The following YPEL1 variants were observed in gnomAD, a reference collection of about 807,000 sequenced individuals.
YPEL1 encodes the protein protein yippee-like 1.
YPEL1 carries 7 observed loss-of-function variants against 17.3 expected under a neutral mutation model. That is an observed-to-expected ratio of 0.40 (90% CI 0.23 to 0.76). The LOEUF is 0.76. Among genes scored for constraint, YPEL1 ranks in the 30% least tolerant of loss-of-function variants. YPEL1 has a pLI of 0.35. For missense variants in YPEL1, 91 were observed against 155.5 expected (o/e 0.59, Z 2.21); for synonymous variants, 59 against 59.6 (o/e 0.99, Z 0.05).
At chr22:21,718,138 A>AAC (rs2068245857) in intron 1 of YPEL1, among the ~76,000 whole-genome samples, 2 of 150,712 alleles carry the variant, frequency 1.3e-5, no homozygotes, top group Admixed American at 1.3e-4. Context: ...CAAAAAAAAA[A>AAC]AAAAACAAAA....
At chr22:21,705,004 C>T (rs3788331) in intron 2 of YPEL1, among the ~76,000 whole-genome samples, 67,162 of 151,902 alleles carry the variant, frequency 0.44, 14,956 homozygotes, top group Non-Finnish European at 0.44. Context: ...GTCACTTTGT[C>T]ACTCAGGCTG....
chr22:21,712,342 T>C (rs188384674), intron 1 of YPEL1, among the ~76,000 whole-genome samples: 13 of 144,216 alleles, frequency 9.0e-5, no homozygotes, highest in Admixed American at 2.2e-4. Flanking sequence ...CCATATTCTC[T>C]ATATATCCTA....
chr22:21,730,878 C>T (rs1197810766), intron 1 of YPEL1, among the ~76,000 whole-genome samples: 1 of 152,204 alleles, frequency 6.6e-6, no homozygotes, highest in African/African-American at 2.4e-5. Context: ...GTGCCTCGGC[C>T]CTCCAGGCTC....
chr22:21,720,736 C>T (rs182651548), intron 1 of YPEL1, among the ~76,000 whole-genome samples: 2 of 144,510 alleles, frequency 1.4e-5, no homozygotes, highest in African/African-American at 2.6e-5. Flanking sequence ...ATGATCCACC[C>T]GCCTTGGCCT....
intron 1 of YPEL1, among the ~76,000 whole-genome samples, chr22:21,730,012 T>G (rs2068372671): frequency 6.6e-6 from 1 of 151,438 alleles, no homozygotes; most frequent in Admixed American, 6.6e-5. Context: ...ATTAGCTCGG[T>G]GTGGTGGTGG....
intron 2 of YPEL1, among the ~76,000 whole-genome samples, chr22:21,709,010 G>A (rs556151650): frequency 6.6e-6 from 1 of 152,116 alleles, no homozygotes; most frequent in African/African-American, 2.4e-5. Context: ...ATGACCTCCA[G>A]GCTGTTCAAC....
At chr22:21,707,261 C>CA (rs1176149533) in intron 2 of YPEL1, among the ~76,000 whole-genome samples, 1 of 151,974 alleles carries the variant, frequency 6.6e-6, no homozygotes, top group African/African-American at 2.4e-5. Context: ...ACTAAAAATA[C>CA]AAAAAATTAG....
chr22:21,720,298 G>C (rs1440197035), intron 1 of YPEL1, among the ~76,000 whole-genome samples: 2 of 151,728 alleles, frequency 1.3e-5, no homozygotes, highest in Non-Finnish European at 2.9e-5. Flanking sequence ...TTGACCTCCT[G>C]GGCTCAAGCA....
intron 1 of YPEL1, among the ~76,000 whole-genome samples, chr22:21,718,146 AAAAC>A (rs2068246121): frequency 6.7e-6 from 1 of 150,300 alleles, no homozygotes; most frequent in Non-Finnish European, 1.5e-5. Context: ...AAAAAAAACA[AAAAC>A]AAAACAACAA....
At chr22:21,702,026 AAAC>A (rs369612843) in intron 4 of YPEL1, among the ~76,000 whole-genome samples, 1,552 of 48,694 alleles carry the variant, frequency 0.032, 15 homozygotes, top group Middle Eastern at 0.093. Flanking sequence ...CTGTCTCAAA[AAAC>A]AACAACAAAA....
rs756656498 is a variant in YPEL1 at position 21,700,000 on chromosome 22, G to C, written c.*1129C>G. The C allele has an allele frequency of 1.3e-5, 2 of 152,312 alleles. No individual in the cohort carries two copies. The highest frequency in any genetic ancestry group is 2.9e-5 in the Non-Finnish European group (2 of 68,040). The allele number at this position is 152,312 out of a possible 1,614,324, so 9.4% of individuals were successfully genotyped here. A position where few individuals can be genotyped will look rare whatever the true frequency, so the allele number is the denominator to read the frequency against. ...GGAATCTACTGGCTTAAATAAACAT[G>C]TTCCACTAGACACCATTCTCAATTT... On this transcript the variant is annotated 3_prime_UTR_variant, in exon 5 of 5. Coordinates refer to ENST00000339468, the MANE Select transcript of YPEL1 (RefSeq NM_013313.5).
chr22:21,701,715 G>A (rs765654873), intron 4 of YPEL1, among the ~76,000 whole-genome samples: 22 of 152,318 alleles, frequency 1.4e-4, no homozygotes, highest in African/African-American at 2.4e-4. Context: ...CAGGAATTCC[G>A]TGCATAACTA....
At position 21,698,865 on chromosome 22, in the gene YPEL1, G is replaced by A. The variant is rs955601132; in HGVS notation, c.*2264C>T. 2.0e-5 allele frequency: 3 copies of A among 152,554 alleles called. No homozygotes were observed. The highest frequency in any genetic ancestry group is 2.0e-4 in the Admixed American group (3 of 15,286). The allele number at this position is 152,554 out of a possible 1,614,324, so 9.5% of individuals were successfully genotyped here. A position where few individuals can be genotyped will look rare whatever the true frequency, so the allele number is the denominator to read the frequency against. ...GTGCTGGGCCAGCCTAAACCCTCGG[G>A]GGAGACTAGCGCAGGGATAAAGCAG... is the stretch of plus-strand genomic sequence containing the variant. On this transcript the variant is annotated 3_prime_UTR_variant, in exon 5 of 5. Coordinates refer to ENST00000339468, the MANE Select transcript of YPEL1 (RefSeq NM_013313.5).
intron 1 of YPEL1, among the ~76,000 whole-genome samples, chr22:21,723,854 A>T (rs973209879): frequency 3.9e-4 from 59 of 151,606 alleles, no homozygotes; most frequent in African/African-American, 1.4e-3. Flanking sequence ...TTTAGTAGAG[A>T]CAGGGTTTCA....
In YPEL1 at chr22:21,703,709, G is replaced by GGGGT; in HGVS notation, c.161+129_161+130insACCC. On this transcript the variant is annotated intron_variant, in intron 3 of 4. Transcript: ENST00000339468. The surrounding 1 kb of genome is among the most constrained non-coding windows in gnomAD (Gnocchi z 6.1). ...TCCTTAGCGCGTTTCAGAAACTCCC[G>GGGGT]GCGGGGGGATGGTGGGTTCTTTCAG... 1.1e-6 allele frequency: 1 copy of GGGGT among 947,886 alleles called. No homozygotes were observed. Among genetic ancestry groups the GGGGT allele is most frequent in the Non-Finnish European group, 1.5e-6 (1 of 674,828 alleles). 58.7% of individuals were successfully genotyped at this position (947,886 alleles called of 1,614,324 possible).
chr22:21,710,526 A>G, intron 2 of YPEL1, 102 bp downstream of exon 2: 1 of 1,012,992 alleles, frequency 9.9e-7, no homozygotes, highest in Non-Finnish European at 1.6e-6. Flanking sequence ...AGGACACAGC[A>G]GACTCAGGAA....
chr22:21,713,637 T>G (rs937507996), intron 1 of YPEL1, among the ~76,000 whole-genome samples: 30 of 152,312 alleles, frequency 2.0e-4, no homozygotes, highest in African/African-American at 6.5e-4. Flanking sequence ...TGAAGAATTC[T>G]GGAGGTTGGA....
At chr22:21,734,674 T>C (rs1203472887) in intron 1 of YPEL1, among the ~76,000 whole-genome samples, 1 of 152,168 alleles carries the variant, frequency 6.6e-6, no homozygotes, top group Non-Finnish European at 1.5e-5. Context: ...GACCAGTGCA[T>C]GATTGTAAGA....
chr22:21,709,952 A>T (rs1193252806), intron 2 of YPEL1, among the ~76,000 whole-genome samples: 1 of 151,612 alleles, frequency 6.6e-6, no homozygotes, highest in Non-Finnish European at 1.5e-5. Flanking sequence ...GGCTGGGGGG[A>T]TGTCATGACC....
Sources: allele counts gnomAD v4.1 joint callset (sites outside exome capture counted in the v4.1 genomes callset), GRCh38; gene constraint gnomAD v4.1.1; non-coding constraint Gnocchi (gnomAD v3.1); transcripts MANE v1.5; gene names NCBI Gene and HGNC (gene_info 2026-07-23, HGNC 2026-07-21).